Variants in NXPE2 observed in about 807,000 individuals in gnomAD.
NXPE2 encodes the protein NXPE family member 2.
NXPE2 carries 34 observed loss-of-function variants against 34.4 expected under a neutral mutation model. The observed-to-expected ratio is 0.99, with a 90% CI of 0.75 to 1.31. NXPE2 has a LOEUF of 1.31. Among genes scored for constraint, NXPE2 ranks in the 40% most tolerant of loss-of-function variants. The pLI is 0.00. For synonymous variants in NXPE2, 235 were observed against 231.3 expected (o/e 1.02, Z -0.15); for missense variants, 649 against 672.5 (o/e 0.97, Z 0.39).
chr11:114,800,229 C>T, the NXPE2 span, among the ~76,000 whole-genome samples: 260 of 152,336 alleles, frequency 1.7e-3, 2 homozygotes, highest in Middle Eastern at 0.02. Flanking sequence ...CTTGGATGAG[C>T]TGACATTTGT....
At chr11:114,549,756 G>GAGAC in the NXPE2 span, among the ~76,000 whole-genome samples, 2 of 151,970 alleles carry the variant, frequency 1.3e-5, no homozygotes, top group East Asian at 3.8e-4. Context: ...AAAGCAATTC[G>GAGAC]AGACACTGGA....
At chr11:114,490,625 G>A in the NXPE2 span, among the ~76,000 whole-genome samples, 1 of 152,194 alleles carries the variant, frequency 6.6e-6, no homozygotes. Context: ...TTAATAAATG[G>A]TGCTGGGAAA....
the NXPE2 span, among the ~76,000 whole-genome samples, chr11:114,546,600 C>T: frequency 6.6e-6 from 1 of 151,804 alleles, no homozygotes; most frequent in Non-Finnish European, 1.5e-5. Context: ...CCATGCCTGG[C>T]CAATATTTCT....
At chr11:114,736,783 G>A in the NXPE2 span, among the ~76,000 whole-genome samples, 14 of 152,308 alleles carry the variant, frequency 9.2e-5, no homozygotes, top group African/African-American at 3.4e-4. Context: ...AGTAAAGACA[G>A]GCATAAGAAA....
At chr11:114,573,610 A>G in the NXPE2 span, among the ~76,000 whole-genome samples, 1 of 152,142 alleles carries the variant, frequency 6.6e-6, no homozygotes, top group Admixed American at 6.5e-5. Context: ...CAGCAGTTTA[A>G]AAAGACAAAG....
chr11:114,658,422 C>T, the NXPE2 span, among the ~76,000 whole-genome samples: 3 of 152,140 alleles, frequency 2.0e-5, no homozygotes, highest in Non-Finnish European at 4.4e-5. Flanking sequence ...CCTAGTACCT[C>T]TTTGTTTTGG....
chr11:114,612,500 A>G, the NXPE2 span, among the ~76,000 whole-genome samples: 1 of 151,746 alleles, frequency 6.6e-6, no homozygotes, highest in Non-Finnish European at 1.5e-5. Context: ...CTGCTGGATA[A>G]TAAGTGTTTC....
At chr11:114,632,092 A>C in the NXPE2 span, among the ~76,000 whole-genome samples, 1 of 145,208 alleles carries the variant, frequency 6.9e-6, no homozygotes, top group African/African-American at 2.5e-5. Context: ...ATTATATTGT[A>C]AATATAATGT....
chr11:114,638,427 A>T, the NXPE2 span, among the ~76,000 whole-genome samples: 1 of 151,856 alleles, frequency 6.6e-6, no homozygotes, highest in Non-Finnish European at 1.5e-5. Context: ...CCTGTAGCTC[A>T]GAGTAGTTTG....
the NXPE2 span, among the ~76,000 whole-genome samples, chr11:114,750,981 T>C: frequency 6.6e-6 from 1 of 151,808 alleles, no homozygotes; most frequent in Non-Finnish European, 1.5e-5. Context: ...ACTCTTGTTG[T>C]GGGGGTGGGG....
chr11:114,651,040 T>C, the NXPE2 span, among the ~76,000 whole-genome samples: 1 of 152,052 alleles, frequency 6.6e-6, no homozygotes. Flanking sequence ...CTGTGGTACA[T>C]TGAAGGTAAT....
the NXPE2 span, among the ~76,000 whole-genome samples, chr11:114,485,058 GTAACA>G: frequency 2.0e-5 from 3 of 152,108 alleles, no homozygotes; most frequent in Admixed American, 1.3e-4. Flanking sequence ...AATTTTTGTG[GTAACA>G]TAATAGGTGT....
the NXPE2 span, among the ~76,000 whole-genome samples, chr11:114,638,989 C>G: frequency 6.6e-6 from 1 of 152,076 alleles, no homozygotes; most frequent in Non-Finnish European, 1.5e-5. Context: ...CCACTGCTCT[C>G]TTCAAAGCTG....
chr11:114,509,538 T>C, the NXPE2 span, among the ~76,000 whole-genome samples: 1 of 152,172 alleles, frequency 6.6e-6, no homozygotes, highest in Non-Finnish European at 1.5e-5. Context: ...CCATCAGTGA[T>C]AGACTGGCTA....
chr11:114,498,601 T>A, the NXPE2 span, among the ~76,000 whole-genome samples: 3 of 152,154 alleles, frequency 2.0e-5, no homozygotes, highest in Admixed American at 1.3e-4. Flanking sequence ...AACCATAATA[T>A]TGGCTATCAA....
chr11:114,730,614 TC>T, the NXPE2 span, among the ~76,000 whole-genome samples: 2 of 152,148 alleles, frequency 1.3e-5, no homozygotes, highest in Admixed American at 6.6e-5. Flanking sequence ...GTCTTTCACT[TC>T]CTTTGTTAGA....
At chr11:114,628,917 T>C in the NXPE2 span, among the ~76,000 whole-genome samples, 1 of 151,964 alleles carries the variant, frequency 6.6e-6, no homozygotes, top group African/African-American at 2.4e-5. Flanking sequence ...AACTAGAGAA[T>C]CTAGAAGAAA....
the NXPE2 span, among the ~76,000 whole-genome samples, chr11:114,567,987 T>C: frequency 1.3e-5 from 2 of 152,144 alleles, no homozygotes; most frequent in South Asian, 4.1e-4. Flanking sequence ...TGGCCAATCA[T>C]CTCAGACAAG....
the NXPE2 span, among the ~76,000 whole-genome samples, chr11:114,592,756 A>G: frequency 4.6e-5 from 7 of 152,186 alleles, no homozygotes; most frequent in Non-Finnish European, 1.0e-4. Context: ...AGCTGAAGGC[A>G]GTATATTACC....
Sources: gnomAD v4.1 joint callset for allele counts (sites outside exome capture counted in the v4.1 genomes callset) on GRCh38, gnomAD v4.1.1 for gene constraint, MANE v1.5 for transcripts, NCBI Gene and HGNC (gene_info 2026-07-23, HGNC 2026-07-21) for gene names.